The following BBS4 variants were observed in gnomAD, a reference collection of about 807,000 sequenced individuals.
The protein encoded by BBS4 is BBSome complex member BBS4.
Under a neutral mutation model 71.4 loss-of-function variants are expected in BBS4, and 58 were observed. That is an observed-to-expected ratio of 0.81 (90% CI 0.66 to 1.01). The LOEUF is 1.01. Ranked by LOEUF, BBS4 falls within the 50% of genes least tolerant of loss-of-function variation. The pLI is 0.00. For missense variants in BBS4, 660 were observed against 607.9 expected (o/e 1.09, Z -0.90); for synonymous variants, 228 against 216.8 (o/e 1.05, Z -0.46).
intron 7 of BBS4, 77 bp from the exon 8 acceptor site, chr15:72,724,451 C>A: frequency 6.3e-7 from 1 of 1,595,582 alleles, no homozygotes; most frequent in South Asian, 1.1e-5. Context: ...CAGAAAGTGT[C>A]TTTACATTAG....
intron 1 of BBS4, chr15:72,686,464 C>T (rs774869676): frequency 6.5e-6 from 10 of 1,531,150 alleles, no homozygotes; most frequent in South Asian, 1.2e-5. Flanking sequence ...TGTTCTAGGA[C>T]TGTAGTCCCT....
chr15:72,734,181 T>C (rs1017448099), intron 12 of BBS4, among the ~76,000 whole-genome samples: 6 of 152,378 alleles, frequency 3.9e-5, no homozygotes, highest in African/African-American at 1.4e-4. Context: ...GCAAATATTT[T>C]CTCCCATTTT....
chr15:72,709,792 C>T lies in BBS4; in HGVS notation c.156+13C>T. ...TGAAGCCTGCAAGGTAAGAGATTGC[C>T]ATAATAATAAAAATGAGAGGCAGGA... On this transcript the variant is annotated intron_variant, in intron 3 of 15. Coordinates refer to ENST00000268057, the MANE Select transcript of BBS4 (RefSeq NM_033028.5). 1.2e-6 allele frequency: 2 copies of T among 1,606,200 alleles called. No homozygotes were observed. Among genetic ancestry groups the T allele is most frequent in the South Asian group, 1.1e-5 (1 of 90,916 alleles).
chr15:72,691,110 G>A (rs2064975651), intron 1 of BBS4, among the ~76,000 whole-genome samples: 2 of 152,010 alleles, frequency 1.3e-5, no homozygotes, highest in Non-Finnish European at 2.9e-5. Context: ...TCAACCTCCC[G>A]AGTAGCTGGG....
chr15:72,700,336 CTGTT>C (rs2065148396), intron 2 of BBS4, among the ~76,000 whole-genome samples: 1 of 152,170 alleles, frequency 6.6e-6, no homozygotes, highest in African/African-American at 2.4e-5. Flanking sequence ...CATATGTGAA[CTGTT>C]TGTTTTAACT....
Position 72,736,844 on chromosome 15 carries a change from A to C in BBS4, c.1331A>C (p.Lys444Thr), listed in dbSNP as rs527839219. 2.5e-5 allele frequency: 40 copies of C among 1,614,184 alleles called. No homozygotes were observed. The Middle Eastern group carries it at 4.9e-4, about 20-fold the overall frequency. Reference protein sequence around the residue: ...LVWTKPVKDPKSKHQTTSTSK... With the variant: ...LVWTKPVKDPTSKHQTTSTSK... ...TGGACCAAACCAGTTAAAGATCCCA[A>C]ATCAAAGCACCAGACCACTTCAACC... Residue 444 changes from lysine to threonine, a missense_variant, in exon 15 of 16, where the codon AAA (lysine) becomes ACA (threonine). Transcript: ENST00000268057.
intron 1 of BBS4, among the ~76,000 whole-genome samples, chr15:72,694,936 TA>T (rs1416411438): frequency 7.9e-5 from 12 of 152,340 alleles, no homozygotes; most frequent in African/African-American, 2.6e-4. Context: ...AATTATACAT[TA>T]AAAATGCACA....
chr15:72,713,347 A>ACACG lies in BBS4; in HGVS notation c.220+1044_220+1047dup, dbSNP rs1555499612. On this transcript the variant is annotated intron_variant, in intron 4 of 15. Coordinates refer to ENST00000268057, the MANE Select transcript of BBS4 (RefSeq NM_033028.5). ...CACACACACACACACACACACACAC[A>ACACG]CACGCACACGCACGCACGCACTGGT... 1.6e-4 allele frequency among the ~76,000 whole-genome samples: 19 copies of ACACG among 118,762 alleles called. No individual in the cohort carries two copies. The East Asian group carries it at 8.5e-3, about 53-fold the overall frequency. 77.9% of individuals were successfully genotyped at this position (118,762 alleles called of 152,430 possible).
At position 72,690,345 on chromosome 15, in the gene BBS4, A is replaced by G. The variant is rs116941274; in HGVS notation, c.24+4094A>G. ...ATAACAGAATAAAATAATTTGTTCT[A>G]TATAAATCCTATGAATGAGATTGAG... On this transcript the variant is annotated intron_variant, in intron 1 of 15. Coordinates refer to ENST00000268057, the MANE Select transcript of BBS4 (RefSeq NM_033028.5). 2.1e-4 allele frequency among the ~76,000 whole-genome samples: 32 copies of G among 152,340 alleles called. No individual in the cohort carries two copies. The East Asian group carries it at 5.8e-3, about 28-fold the overall frequency.
At chr15:72,710,852 G>A (rs574309707) in intron 3 of BBS4, among the ~76,000 whole-genome samples, 15 of 150,984 alleles carry the variant, frequency 9.9e-5, no homozygotes, top group African/African-American at 3.2e-4. Context: ...GTGCAGTGGC[G>A]CAATCTCGGC....
rs998762683 is a variant in BBS4 at position 72,721,046 on chromosome 15, GTC to G, written c.406-1741_406-1740del. On this transcript the variant is annotated intron_variant, in intron 6 of 15. Transcript: ENST00000268057. ...ACAAGAAAGGCTTTATTTCTGCCTT[GTC>G]TCTCTCCATGCATGCATTCTTATAG... 9.2e-5 allele frequency among the ~76,000 whole-genome samples: 14 copies of G among 152,122 alleles called. 1 individual carries two copies. The highest frequency in any genetic ancestry group is 4.6e-4 in the Admixed American group (7 of 15,270).
At chr15:72,699,374 G>A (rs1030261975) in intron 2 of BBS4, among the ~76,000 whole-genome samples, 8 of 152,088 alleles carry the variant, frequency 5.3e-5, no homozygotes, top group East Asian at 3.8e-4. Context: ...GTGAGCCACC[G>A]TGCTTGGCCC....
At chr15:72,723,774 G>C (rs1349795079) in intron 7 of BBS4, among the ~76,000 whole-genome samples, 1 of 152,124 alleles carries the variant, frequency 6.6e-6, no homozygotes, top group Admixed American at 6.6e-5. Flanking sequence ...TATATACTTG[G>C]TTAGGAGATT....
At chr15:72,697,144 G>T (rs2065091159) in intron 2 of BBS4, among the ~76,000 whole-genome samples, 1 of 152,236 alleles carries the variant, frequency 6.6e-6, no homozygotes, top group African/African-American at 2.4e-5. Context: ...CGTTGGCCAG[G>T]CTGGTCTTGA....
At chr15:72,737,030 T>G (rs1326415206) in intron 15 of BBS4, 67 bp downstream of exon 15, 1 of 1,551,342 alleles carries the variant, frequency 6.4e-7, no homozygotes, top group African/African-American at 1.4e-5. Context: ...CAGCAGAGAT[T>G]ATAGCTTTCA....
At chr15:72,702,248 G>T (rs1217866252) in intron 2 of BBS4, among the ~76,000 whole-genome samples, 1 of 152,138 alleles carries the variant, frequency 6.6e-6, no homozygotes, top group African/African-American at 2.4e-5. Context: ...GCAGAAACTT[G>T]GTTTAATGTG....
At chr15:72,725,451 C>G (rs2065653875) in intron 8 of BBS4, among the ~76,000 whole-genome samples, 1 of 152,048 alleles carries the variant, frequency 6.6e-6, no homozygotes, top group South Asian at 2.1e-4. Context: ...ATGATAGTTA[C>G]AAGGGAAGTG....
chr15:72,702,125 C>CGT (rs954560774), intron 2 of BBS4, among the ~76,000 whole-genome samples: 1 of 152,028 alleles, frequency 6.6e-6, no homozygotes, highest in Non-Finnish European at 1.5e-5. Context: ...GGATTACAGG[C>CGT]GTGAGCCACT....
chr15:72,738,241 G>C lies in BBS4; in HGVS notation c.*654G>C, dbSNP rs1313509381. The C allele has an allele frequency of 6.6e-6, 3 of 453,864 alleles. No homozygotes were observed. The highest frequency in any genetic ancestry group is 4.0e-5 in the African/African-American group (2 of 49,984). The allele number at this position is 453,864 out of a possible 1,614,324, so 28.1% of individuals were successfully genotyped here. On this transcript the variant is annotated 3_prime_UTR_variant, in exon 16 of 16. Transcript: ENST00000268057. The stretch of plus-strand genomic sequence containing the variant: ...AGAAGCTAGATCCTATCAGGATGAG[G>C]AGCAGCAGCCCAGGGCTTGTCTGGA...
Sources: allele counts gnomAD v4.1 joint callset (sites outside exome capture counted in the v4.1 genomes callset), GRCh38; gene constraint gnomAD v4.1.1; transcripts MANE v1.5; gene names NCBI Gene and HGNC (gene_info 2026-07-23, HGNC 2026-07-21).